RIMS2: variants seen among roughly 807,000 people sequenced by gnomAD.
The protein encoded by RIMS2 is regulating synaptic membrane exocytosis protein 2.
RIMS2 carries 59 observed loss-of-function variants against 174.4 expected under a neutral mutation model. The observed-to-expected ratio is 0.34, with a 90% CI of 0.27 to 0.42. The LOEUF is 0.42. Among genes scored for constraint, RIMS2 ranks in the 10% least tolerant of loss-of-function variants. The pLI is 1.00. For synonymous variants in RIMS2, 606 were observed against 572.5 expected, an observed-to-expected ratio of 1.06 and a Z score of -0.84; for missense variants, 1,620 against 1,666.3, an observed-to-expected ratio of 0.97 and a Z score of 0.48.
chr8:103,951,204 T>C (rs1016348901), intron 14 of RIMS2, among the ~76,000 whole-genome samples: 1 of 152,224 alleles, frequency 6.6e-6, no homozygotes, highest in Non-Finnish European at 1.5e-5. Context: ...AAACTAGGCA[T>C]TGAAGGAACA....
chr8:103,895,804 G>C (rs2099274325), intron 4 of RIMS2, among the ~76,000 whole-genome samples: 1 of 151,098 alleles, frequency 6.6e-6, no homozygotes, highest in Non-Finnish European at 1.5e-5. Context: ...TAACTTTCTT[G>C]GACTTAAAAT....
chr8:103,651,104 G>A (rs1171881473), intron 1 of RIMS2, among the ~76,000 whole-genome samples: 1 of 152,222 alleles, frequency 6.6e-6, no homozygotes, highest in African/African-American at 2.4e-5. Context: ...CCAGGACCCT[G>A]GTGATGTGGG....
intron 19 of RIMS2, among the ~76,000 whole-genome samples, chr8:104,063,477 A>C (rs1405396020): frequency 2.0e-5 from 3 of 152,134 alleles, no homozygotes; most frequent in Non-Finnish European, 4.4e-5. Flanking sequence ...GATTTTTTTA[A>C]CCTGAGGTTG....
chr8:103,915,507 A>G, exon 7 of RIMS2: 1 of 1,598,950 alleles, frequency 6.3e-7, no homozygotes, highest in Non-Finnish European at 8.6e-7. Context: ...TGTAGGAGGA[A>G]AGATGACTGA....
intron 1 of RIMS2, among the ~76,000 whole-genome samples, chr8:103,557,956 G>C (rs572439823): frequency 6.6e-6 from 1 of 151,972 alleles, no homozygotes; most frequent in South Asian, 2.1e-4. Context: ...CCCAACTATG[G>C]GTAAAATTAA....
chr8:103,747,362 C>T (rs2097835018), intron 2 of RIMS2, among the ~76,000 whole-genome samples: 1 of 148,930 alleles, frequency 6.7e-6, no homozygotes. Context: ...CTGTAAAGAA[C>T]TTTTTGGGTC....
Position 104,040,536 on chromosome 8 carries a change from T to A in RIMS2, c.3334+25921T>A, listed in dbSNP as rs564274167. Among the ~76,000 whole-genome samples the A allele has an allele frequency of 7.2e-5, 11 of 151,794 alleles. No homozygotes were observed. The East Asian group carries it at 1.7e-3, about 24-fold the overall frequency. On this transcript the variant is annotated intron_variant, in intron 19 of 23. Coordinates refer to ENST00000504942, the Ensembl canonical transcript of RIMS2. ...GTCATATCTGTTATAGTTGATGGAT[T>A]TGGATGGATACATTTTAGCGTAAAT...
intron 19 of RIMS2, among the ~76,000 whole-genome samples, chr8:104,097,746 G>A (rs980301151): frequency 6.6e-6 from 1 of 152,170 alleles, no homozygotes; most frequent in Admixed American, 6.5e-5. Flanking sequence ...TTTCAAATTA[G>A]GGAATGCTCA....
intron 19 of RIMS2, among the ~76,000 whole-genome samples, chr8:104,149,104 C>T (rs999512480): frequency 4.6e-5 from 7 of 152,148 alleles, no homozygotes; most frequent in African/African-American, 1.2e-4. Context: ...GGAGGAGTTA[C>T]GCTGTGACAC....
chr8:104,210,607 C>T (rs1484180845), intron 19 of RIMS2, among the ~76,000 whole-genome samples: 2 of 152,058 alleles, frequency 1.3e-5, no homozygotes, highest in African/African-American at 4.8e-5. Context: ...TTCTGGGACC[C>T]TTTTGGGAGT....
chr8:103,542,643 A>G (rs913025538), intron 1 of RIMS2, among the ~76,000 whole-genome samples: 11 of 152,200 alleles, frequency 7.2e-5, no homozygotes, highest in African/African-American at 2.7e-4. Flanking sequence ...AGCAAACTGA[A>G]TTCAACACCA....
At chr8:103,994,893 G>A (rs1187638299) in intron 17 of RIMS2, among the ~76,000 whole-genome samples, 1 of 151,682 alleles carries the variant, frequency 6.6e-6, no homozygotes, top group African/African-American at 2.4e-5. Flanking sequence ...ACTCTTCAAG[G>A]AAACTATTAG....
chr8:103,627,054 A>G (rs185156901), intron 1 of RIMS2, among the ~76,000 whole-genome samples: 1 of 152,300 alleles, frequency 6.6e-6, no homozygotes, highest in Admixed American at 6.5e-5. Flanking sequence ...GCCTGAGGGT[A>G]CTGCAGGAGA....
At chr8:103,670,198 T>G (rs1195638245) in intron 1 of RIMS2, among the ~76,000 whole-genome samples, 8 of 152,250 alleles carry the variant, frequency 5.3e-5, no homozygotes, top group Admixed American at 4.6e-4. Flanking sequence ...ACCTTGGCCC[T>G]TTTTAAACAT....
intron 19 of RIMS2, among the ~76,000 whole-genome samples, chr8:104,075,230 T>G (rs932501675): frequency 2.0e-5 from 3 of 152,214 alleles, no homozygotes; most frequent in Non-Finnish European, 2.9e-5. Flanking sequence ...GACGTCATTA[T>G]GCATGTGTAA....
chr8:104,062,962 A>T (rs1294381243), intron 19 of RIMS2, among the ~76,000 whole-genome samples: 1 of 152,034 alleles, frequency 6.6e-6, no homozygotes, highest in African/African-American at 2.4e-5. Flanking sequence ...ATACTTCTTT[A>T]GCTTCAATTA....
intron 19 of RIMS2, among the ~76,000 whole-genome samples, chr8:104,224,594 AT>A (rs1330202774): frequency 6.6e-6 from 1 of 152,204 alleles, no homozygotes; most frequent in East Asian, 1.9e-4. Flanking sequence ...AACTGTGTTC[AT>A]TTTTAGATGT....
intron 15 of RIMS2, among the ~76,000 whole-genome samples, chr8:103,965,728 G>A (rs1451148630): frequency 3.9e-5 from 6 of 152,022 alleles, no homozygotes; most frequent in Non-Finnish European, 8.8e-5. Flanking sequence ...TGATCTCAGT[G>A]GGAAAGTTTT....
At chr8:103,890,488 C>G (rs960965073) in intron 4 of RIMS2, among the ~76,000 whole-genome samples, 2 of 151,974 alleles carry the variant, frequency 1.3e-5, no homozygotes, top group South Asian at 2.1e-4. Context: ...GGCAATTGTA[C>G]TAAACAGGTA....
Sources: gnomAD v4.1 joint callset for allele counts (sites outside exome capture counted in the v4.1 genomes callset) on GRCh38, gnomAD v4.1.1 for gene constraint, MANE v1.5 for transcripts, NCBI Gene and HGNC (gene_info 2026-07-23, HGNC 2026-07-21) for gene names.